CBR4: variants seen among roughly 807,000 people sequenced by gnomAD.
CBR4 encodes the protein carbonyl reductase 4.
In CBR4, 22 loss-of-function variants were observed where a neutral mutation model predicts 21.0. The observed-to-expected ratio is 1.05, with a 90% confidence interval of 0.75 to 1.50. The LOEUF is 1.50. Ranked by LOEUF, CBR4 falls within the 40% of genes most tolerant of loss-of-function variation. The probability of loss-of-function intolerance (pLI) is 0.00; values close to 1 mark genes in which losing one functional copy is unlikely to be tolerated. For missense variants in CBR4, 302 were observed against 286.3 expected, an observed-to-expected ratio of 1.05 and a Z score of -0.40; for synonymous variants, 100 against 104.4, an observed-to-expected ratio of 0.96 and a Z score of 0.26.
rs113751746 is a variant in CBR4 at position 169,007,005 on chromosome 4, G to A, written c.264-114C>T. On this transcript the variant is annotated intron_variant, in intron 2 of 4. Coordinates refer to ENST00000306193, the MANE Select transcript of CBR4 (RefSeq NM_032783.5). ...CAAGAAGTGCTTCCTATCTGAGCTAGAATAGCTAGAATACCTAGAGTCCCA... is the reference window on the plus strand; with the variant it reads ...CAAGAAGTGCTTCCTATCTGAGCTAAAATAGCTAGAATACCTAGAGTCCCA... 3.6e-3 allele frequency: 2,641 copies of A among 723,932 alleles called. 71 individuals are homozygous for A. The African/African-American group carries it at 0.041, about 11-fold the overall frequency. The allele number at this position is 723,932 out of a possible 1,614,324, so 44.8% of individuals were successfully genotyped here.
intron 2 of CBR4, among the ~76,000 whole-genome samples, chr4:168,965,858 G>T (rs1225691531): frequency 6.6e-6 from 1 of 152,058 alleles, no homozygotes; most frequent in East Asian, 1.9e-4. Flanking sequence ...ATTCATGACT[G>T]GAACACCAAA....
intron 2 of CBR4, among the ~76,000 whole-genome samples, chr4:168,895,270 TACTC>T (rs1754863614): frequency 1.3e-5 from 2 of 152,194 alleles, no homozygotes; most frequent in Admixed American, 6.5e-5. Flanking sequence ...TAGTCCCAGC[TACTC>T]GGGAAGCTGA....
intron 2 of CBR4, chr4:168,928,229 TCTTA>T (rs368719203): frequency 5.4e-6 from 1 of 185,650 alleles, no homozygotes; most frequent in East Asian, 8.7e-5. Flanking sequence ...ATGACTTATG[TCTTA>T]CTTGCCAAAT....
At chr4:168,925,668 G>A (rs1027800107) in intron 2 of CBR4, among the ~76,000 whole-genome samples, 32 of 151,934 alleles carry the variant, frequency 2.1e-4, no homozygotes, top group African/African-American at 6.5e-4. Flanking sequence ...TCAGCATTAT[G>A]TTATCCATTG....
chr4:168,898,880 T>A (rs1755837916), intron 2 of CBR4, among the ~76,000 whole-genome samples: 1 of 152,160 alleles, frequency 6.6e-6, no homozygotes, highest in African/African-American at 2.4e-5. Context: ...TCAGGAGGCA[T>A]TAGAAACCAA....
chr4:168,901,317 A>G (rs1756470242), intron 2 of CBR4, among the ~76,000 whole-genome samples: 1 of 152,224 alleles, frequency 6.6e-6, no homozygotes, highest in African/African-American at 2.4e-5. Context: ...TAGTTGAGCC[A>G]TAGGAAGACT....
chr4:168,987,526 G>A, downstream of CBR4: 1 of 513,124 alleles, frequency 1.9e-6, no homozygotes, highest in East Asian at 1.5e-4. Flanking sequence ...CAATTGAATT[G>A]AAAGACAAAT....
At chr4:168,961,731 A>T (rs534397058) in intron 2 of CBR4, among the ~76,000 whole-genome samples, 1 of 128,780 alleles carries the variant, frequency 7.8e-6, no homozygotes, top group Admixed American at 7.5e-5. Context: ...CTCTACTAAA[A>T]ATACAAAAAT....
intron 4 of CBR4, among the ~76,000 whole-genome samples, chr4:169,000,556 G>A (rs1018989638): frequency 3.9e-5 from 6 of 152,124 alleles, no homozygotes; most frequent in African/African-American, 9.7e-5. Context: ...AGGTAGCAAA[G>A]GTCTACTTCA....
At chr4:168,986,427 G>A (rs1051408497), downstream of CBR4, among the ~76,000 whole-genome samples, 1 of 152,118 alleles carries the variant, frequency 6.6e-6, no homozygotes, top group Non-Finnish European at 1.5e-5. Context: ...ATAGCAATAA[G>A]AGCTTCTCAT....
chr4:168,926,607 C>A (rs1307357827), intron 2 of CBR4: 3 of 443,308 alleles, frequency 6.8e-6, no homozygotes, highest in Non-Finnish European at 8.0e-6. Flanking sequence ...ATTTACTGTC[C>A]AATTTAAAAC....
At position 168,953,827 on chromosome 4, in the gene CBR4, A is replaced by C. The variant is rs1275699164; in HGVS notation, n.169+48244T>G. Among the ~76,000 whole-genome samples, 4 of 152,260 alleles carry C rather than the reference A, an allele frequency of 2.6e-5. No individual in the cohort carries two copies. The East Asian group carries it at 7.7e-4, about 29-fold the overall frequency. On this transcript the variant is annotated intron_variant and non_coding_transcript_variant, in intron 2 of 3. Coordinates refer to the CBR4 transcript ENST00000509108. ...TATGACAGGGATCTAAATAATACAG[A>C]AGCTTGGAAAGTTAGAGCACATAGA...
At chr4:168,975,846 C>T (rs1209527678) in intron 2 of CBR4, among the ~76,000 whole-genome samples, 3 of 152,106 alleles carry the variant, frequency 2.0e-5, no homozygotes, top group Admixed American at 2.0e-4. Context: ...TCTGCTGCAT[C>T]ATACAGGTTG....
At chr4:168,901,726 C>T (rs1225466930) in intron 2 of CBR4, among the ~76,000 whole-genome samples, 13 of 152,032 alleles carry the variant, frequency 8.6e-5, no homozygotes, top group South Asian at 2.1e-4. Context: ...AGCATGGAGG[C>T]GCACACCTGT....
intron 2 of CBR4, among the ~76,000 whole-genome samples, chr4:168,976,081 T>G (rs7685334): frequency 0.99 from 150,771 of 152,298 alleles, 74,650 homozygotes; most frequent in East Asian, 1. Context: ...TTCAGCTGCA[T>G]CTTCTGCGCT....
At chr4:168,942,532 G>A (rs867023235) in intron 2 of CBR4, among the ~76,000 whole-genome samples, 18 of 151,930 alleles carry the variant, frequency 1.2e-4, no homozygotes, top group South Asian at 4.2e-4. Context: ...ACAACTAGAA[G>A]AAAACATTGA....
intron 2 of CBR4, among the ~76,000 whole-genome samples, chr4:168,914,634 C>G (rs1759732687): frequency 6.6e-6 from 1 of 152,186 alleles, no homozygotes; most frequent in East Asian, 1.9e-4. Context: ...ATTATTACTT[C>G]TTAGTAACAC....
intron 2 of CBR4, among the ~76,000 whole-genome samples, chr4:168,940,195 T>C (rs1332721478): frequency 2.0e-5 from 3 of 152,150 alleles, no homozygotes; most frequent in African/African-American, 4.8e-5. Context: ...GGGGAAAGAA[T>C]TCCTTATTTA....
intron 2 of CBR4, among the ~76,000 whole-genome samples, chr4:168,906,714 T>C (rs572614828): frequency 2.6e-5 from 4 of 152,310 alleles, no homozygotes; most frequent in African/African-American, 9.6e-5. Flanking sequence ...AGCTTAGAAC[T>C]CTTGGGCTCA....
Sources: allele counts gnomAD v4.1 joint callset (sites outside exome capture counted in the v4.1 genomes callset), GRCh38; gene constraint gnomAD v4.1.1; transcripts MANE v1.5; gene names NCBI Gene and HGNC (gene_info 2026-07-23, HGNC 2026-07-21).